The following C14orf132 variants were observed in gnomAD, a reference collection of about 807,000 sequenced individuals.
The protein encoded by C14orf132 is uncharacterized protein C14orf132.
In C14orf132, 6 loss-of-function variants were observed where a neutral mutation model predicts 5.8. That is an observed-to-expected ratio of 1.03 (90% CI 0.57 to 2.04). The LOEUF is 2.04. Among genes scored for constraint, C14orf132 ranks in the 30% most tolerant of loss-of-function variants. C14orf132 has a pLI of 0.00. For synonymous variants in C14orf132, 51 were observed against 49.8 expected (o/e 1.02, Z -0.10); for missense variants, 125 against 115.8 (o/e 1.08, Z -0.37).
At chr14:96,081,890 G>T (rs538892057) in intron 1 of C14orf132, among the ~76,000 whole-genome samples, 4 of 152,066 alleles carry the variant, frequency 2.6e-5, no homozygotes, top group Non-Finnish European at 5.9e-5. Flanking sequence ...ATGAGTCACC[G>T]CACCCGGCCA....
chr14:96,076,823 A>G (rs539386907), intron 1 of C14orf132, among the ~76,000 whole-genome samples: 6 of 152,216 alleles, frequency 3.9e-5, no homozygotes, highest in Non-Finnish European at 8.8e-5. Context: ...AGTTGCATCA[A>G]TGCGTGCTGA....
intron 1 of C14orf132, among the ~76,000 whole-genome samples, chr14:96,085,890 T>A (rs2139684546): frequency 6.6e-6 from 1 of 152,252 alleles, no homozygotes; most frequent in African/African-American, 2.4e-5. Context: ...AAAATGGAAT[T>A]TTGATGGCCA....
chr14:96,042,602 A>T (rs996366439), intron 1 of C14orf132, among the ~76,000 whole-genome samples: 4 of 152,194 alleles, frequency 2.6e-5, no homozygotes, highest in Non-Finnish European at 4.4e-5. Context: ...AAGATTTTCC[A>T]CTCAAAAGCT....
At chr14:96,079,792 G>T (rs918260987) in intron 1 of C14orf132, among the ~76,000 whole-genome samples, 1 of 152,136 alleles carries the variant, frequency 6.6e-6, no homozygotes, top group Non-Finnish European at 1.5e-5. Context: ...GGCCACAGAT[G>T]GTGTGTTCTG....
At chr14:96,059,575 C>T (rs769432660) in intron 1 of C14orf132, among the ~76,000 whole-genome samples, 3 of 152,168 alleles carry the variant, frequency 2.0e-5, no homozygotes, top group Non-Finnish European at 4.4e-5. Flanking sequence ...CTGTGCTGTG[C>T]TCACTTGTCA....
chr14:96,075,630 A>G (rs190893276), intron 1 of C14orf132, among the ~76,000 whole-genome samples: 29 of 152,304 alleles, frequency 1.9e-4, no homozygotes, highest in African/African-American at 6.7e-4. Context: ...AGAGTTTTAA[A>G]TCATGAGTGG....
chr14:96,077,126 G>A (rs1330759120), intron 1 of C14orf132, among the ~76,000 whole-genome samples: 1 of 152,200 alleles, frequency 6.6e-6, no homozygotes, highest in African/African-American at 2.4e-5. Context: ...TCTGTTGTCA[G>A]GTGGAAGGTT....
intron 1 of C14orf132, among the ~76,000 whole-genome samples, chr14:96,055,713 C>T (rs1159752803): frequency 6.6e-6 from 1 of 152,210 alleles, no homozygotes; most frequent in African/African-American, 2.4e-5. Flanking sequence ...TTCATGAAGC[C>T]TCCTCACCGT....
At chr14:96,083,512 T>C (rs1325822760) in intron 1 of C14orf132, among the ~76,000 whole-genome samples, 1 of 152,134 alleles carries the variant, frequency 6.6e-6, no homozygotes, top group African/African-American at 2.4e-5. Flanking sequence ...GGGAGCTCAA[T>C]GTCATCACAA....
chr14:96,055,694 G>A (rs1328631309), intron 1 of C14orf132, among the ~76,000 whole-genome samples: 2 of 152,166 alleles, frequency 1.3e-5, no homozygotes, highest in East Asian at 1.9e-4. Context: ...GGGACTCTCT[G>A]AAGTAGTGTT....
chr14:96,056,304 A>T (rs1277841187), intron 1 of C14orf132, among the ~76,000 whole-genome samples: 1 of 152,086 alleles, frequency 6.6e-6, no homozygotes, highest in Non-Finnish European at 1.5e-5. Context: ...GGAATACAGA[A>T]CTGCCCAGGG....
chr14:96,072,133 C>T lies in C14orf132; in HGVS notation c.28-14378C>T, dbSNP rs568727557. Among the ~76,000 whole-genome samples, 5 of 152,328 alleles carry T rather than the reference C, an allele frequency of 3.3e-5. No homozygotes were observed. In the East Asian group the frequency reaches 7.7e-4, roughly 24 times the overall value. Reference sequence around the variant, plus strand: ...CCTGGGACTCAGGGAGCCGTGCCCACGCTGTTGGAGAATCCTTCCGAGCAC... The same window carrying T: ...CCTGGGACTCAGGGAGCCGTGCCCATGCTGTTGGAGAATCCTTCCGAGCAC... On this transcript the variant is annotated intron_variant, in intron 1 of 1. Transcript: ENST00000555004.
chr14:96,083,341 G>A (rs1009650372), intron 1 of C14orf132, among the ~76,000 whole-genome samples: 17 of 152,182 alleles, frequency 1.1e-4, no homozygotes, highest in Middle Eastern at 3.2e-3. Flanking sequence ...TTTCTGGAAC[G>A]GAAGTCTGGG....
At chr14:96,071,150 C>A (rs921567649) in intron 1 of C14orf132, among the ~76,000 whole-genome samples, 1 of 151,986 alleles carries the variant, frequency 6.6e-6, no homozygotes, top group Non-Finnish European at 1.5e-5. Context: ...ACAATCATGG[C>A]GAAAGGGGAA....
rs570446942 is a variant in C14orf132 at position 96,090,665 on chromosome 14, C to T, written c.*3930C>T. ...CTACCCCCCAGAGAGAAATGATTCT[C>T]GCTCCTTTCAGATCCCCCAGGATCT... On this transcript the variant is annotated 3_prime_UTR_variant, in exon 2 of 2. Coordinates refer to ENST00000555004, the MANE Select transcript of C14orf132 (RefSeq NM_001252507.3). 33 of 456,040 alleles carry T rather than the reference C, an allele frequency of 7.2e-5. No individual in the cohort carries two copies. Among genetic ancestry groups the T allele is most frequent in the South Asian group, 3.7e-4 (24 of 64,556 alleles). 28.2% of individuals were successfully genotyped at this position (456,040 alleles called of 1,614,324 possible). A position where few individuals can be genotyped will look rare whatever the true frequency, so the allele number is the denominator to read the frequency against.
intron 1 of C14orf132, among the ~76,000 whole-genome samples, chr14:96,069,256 C>CATATATATAT (rs55648129): frequency 2.6e-4 from 25 of 95,254 alleles, no homozygotes; most frequent in Non-Finnish European, 4.1e-4. Context: ...TGTTTATGTT[C>CATATATATAT]ATATATATAT....
At chr14:96,064,408 A>G (rs974219884) in intron 1 of C14orf132, among the ~76,000 whole-genome samples, 13 of 150,948 alleles carry the variant, frequency 8.6e-5, no homozygotes, top group Non-Finnish European at 1.8e-4. Flanking sequence ...ACATATATGT[A>G]TATATATACA....
rs191773391 is a variant in C14orf132, at chr14:96,067,566, G to A, written c.28-18945G>A. 3.3e-5 allele frequency among the ~76,000 whole-genome samples: 5 copies of A among 152,118 alleles called. No individual in the cohort carries two copies. In the East Asian group the frequency reaches 7.7e-4, roughly 24 times the overall value. On this transcript the variant is annotated intron_variant, in intron 1 of 1. Transcript: ENST00000555004. The stretch of plus-strand genomic sequence containing the variant: ...AATACAAAATTAGCTGGGCGTGGTG[G>A]TGGGCACCTATAATCCCAGCTACTC...
At chr14:96,055,845 G>A (rs1358618736) in intron 1 of C14orf132, among the ~76,000 whole-genome samples, 2 of 152,092 alleles carry the variant, frequency 1.3e-5, no homozygotes, top group Admixed American at 6.6e-5. Flanking sequence ...TTAGTCCTCT[G>A]GCTCCTGTTT....
Sources: allele counts gnomAD v4.1 joint callset (sites outside exome capture counted in the v4.1 genomes callset), GRCh38; gene constraint gnomAD v4.1.1; transcripts MANE v1.5; gene names NCBI Gene and HGNC (gene_info 2026-07-23, HGNC 2026-07-21).